APBA1: variants seen among roughly 807,000 people sequenced by gnomAD.
The protein encoded by APBA1 is amyloid-beta A4 precursor protein-binding family A member 1.
Under a neutral mutation model 86.6 loss-of-function variants are expected in APBA1, and 55 were observed. The observed-to-expected ratio is 0.64, with a 90% CI of 0.51 to 0.80. APBA1 has a LOEUF of 0.80. APBA1 is among the 30% of genes least tolerant of loss of function. The probability of loss-of-function intolerance (pLI) is 0.00; values close to 1 mark genes in which losing one functional copy is unlikely to be tolerated. For synonymous variants in APBA1, 511 were observed against 493.9 expected, an observed-to-expected ratio of 1.03 and a Z score of -0.46; for missense variants, 1,090 against 1,183.0, an observed-to-expected ratio of 0.92 and a Z score of 1.15.
chr9:69,590,392 C>T (rs1403159049), intron 1 of APBA1, among the ~76,000 whole-genome samples: 4 of 152,128 alleles, frequency 2.6e-5, no homozygotes, highest in Non-Finnish European at 5.9e-5. Context: ...GGCTTTGGGC[C>T]GGCTCCTTAT....
chr9:69,471,829 G>C, intron 3 of APBA1, 134 bp from the exon 4 acceptor site: 1 of 704,200 alleles, frequency 1.4e-6, no homozygotes. Flanking sequence ...TTTAGTTAGA[G>C]AAAGTAAAGT....
At chr9:69,617,720 A>G (rs545573306) in intron 1 of APBA1, among the ~76,000 whole-genome samples, 2 of 152,098 alleles carry the variant, frequency 1.3e-5, no homozygotes, top group Non-Finnish European at 1.5e-5. Flanking sequence ...TCAACACCAA[A>G]TTTTTGAGAT....
chr9:69,446,217 G>A (rs1834904922), intron 10 of APBA1, among the ~76,000 whole-genome samples: 2 of 152,150 alleles, frequency 1.3e-5, no homozygotes, highest in Admixed American at 1.3e-4. Context: ...TCTGTATTTG[G>A]TACTGGTGAT....
chr9:69,604,854 G>A (rs924268364), intron 1 of APBA1, among the ~76,000 whole-genome samples: 3 of 149,514 alleles, frequency 2.0e-5, no homozygotes, highest in Non-Finnish European at 4.4e-5. Context: ...AAGAGGAGAG[G>A]CATATGAGCA....
chr9:69,504,250 G>GT (rs1835919643), intron 2 of APBA1, among the ~76,000 whole-genome samples: 1 of 151,968 alleles, frequency 6.6e-6, no homozygotes, highest in Admixed American at 6.6e-5. Context: ...TAATCTGGAA[G>GT]TTCATGTGTT....
chr9:69,521,480 G>A (rs187772642), intron 1 of APBA1, among the ~76,000 whole-genome samples: 3 of 152,340 alleles, frequency 2.0e-5, no homozygotes, highest in Admixed American at 6.5e-5. Flanking sequence ...GGGCAGAACA[G>A]TGAGCAAGCC....
chr9:69,656,544 G>A (rs1159003778), intron 1 of APBA1, among the ~76,000 whole-genome samples: 1 of 152,222 alleles, frequency 6.6e-6, no homozygotes, highest in Admixed American at 6.5e-5. Flanking sequence ...GGTCAGAGTA[G>A]TGGTTACCTT....
At chr9:69,489,660 C>T (rs1274484579) in intron 2 of APBA1, among the ~76,000 whole-genome samples, 6 of 151,950 alleles carry the variant, frequency 3.9e-5, no homozygotes, top group Non-Finnish European at 4.4e-5. Context: ...AAAAAGTGGG[C>T]GAAGGACATG....
At chr9:69,671,027 C>A (rs1823938734) in intron 1 of APBA1, among the ~76,000 whole-genome samples, 1 of 151,980 alleles carries the variant, frequency 6.6e-6, no homozygotes, top group Non-Finnish European at 1.5e-5. Flanking sequence ...AAAAGACCGC[C>A]CCCCGCCCCA....
chr9:69,432,418 C>G (rs2133779422), intron 12 of APBA1, 118 bp downstream of exon 12: 1 of 1,058,198 alleles, frequency 9.5e-7, no homozygotes, highest in South Asian at 2.8e-5. Flanking sequence ...GGGGAGTGTT[C>G]AGGATTGGAA....
chr9:69,539,055 T>C (rs995628863), intron 1 of APBA1, among the ~76,000 whole-genome samples: 1 of 152,344 alleles, frequency 6.6e-6, no homozygotes, highest in Admixed American at 6.5e-5. Flanking sequence ...TGCTTCCCCA[T>C]CTCATTGGCT....
chr9:69,506,112 G>T (rs184871581), intron 2 of APBA1, among the ~76,000 whole-genome samples: 2 of 151,828 alleles, frequency 1.3e-5, no homozygotes, highest in Non-Finnish European at 2.9e-5. Flanking sequence ...CAGCGAGAGC[G>T]ACACAGAAGA....
chr9:69,652,852 G>T (rs1823533600), intron 1 of APBA1, among the ~76,000 whole-genome samples: 2 of 151,976 alleles, frequency 1.3e-5, no homozygotes, highest in Admixed American at 6.6e-5. Flanking sequence ...AAAATTAGCT[G>T]GGTGTGGTGG....
In APBA1 at chr9:69,672,285, T is replaced by TGCCGCCGCC. The variant is rs974883155; in HGVS notation, c.-211_-203dup. 6.0e-4 allele frequency: 106 copies of TGCCGCCGCC among 175,510 alleles called. No individual in the cohort carries two copies. Among genetic ancestry groups the TGCCGCCGCC allele is most frequent in the African/African-American group, 1.7e-3 (71 of 41,714 alleles). The allele number at this position is 175,510 out of a possible 1,614,324, so 10.9% of individuals were successfully genotyped here. ...CGCCACCATCTTCTCCCGCCGCAGC[T>TGCCGCCGCC]GCCGCCGCCGCCGCCGCCGCCGGGA... On this transcript the variant is annotated 5_prime_UTR_variant, in exon 1 of 13. Coordinates refer to ENST00000265381, the MANE Select transcript of APBA1 (RefSeq NM_001163.4).
chr9:69,602,124 TCTC>T (rs1244745421), intron 1 of APBA1, among the ~76,000 whole-genome samples: 1 of 152,232 alleles, frequency 6.6e-6, no homozygotes, highest in Non-Finnish European at 1.5e-5. Context: ...TTTCATGTAT[TCTC>T]TTTTTGCAAT....
chr9:69,506,116 C>A (rs938110570), intron 2 of APBA1, among the ~76,000 whole-genome samples: 6 of 151,882 alleles, frequency 4.0e-5, no homozygotes, highest in Non-Finnish European at 7.4e-5. Context: ...GAGAGCGACA[C>A]AGAAGAAGAC....
At chr9:69,550,981 T>G (rs1836775747) in intron 1 of APBA1, among the ~76,000 whole-genome samples, 1 of 152,010 alleles carries the variant, frequency 6.6e-6, no homozygotes, top group African/African-American at 2.4e-5. Flanking sequence ...ATACATAAAA[T>G]ACATACATTA....
intron 11 of APBA1, among the ~76,000 whole-genome samples, chr9:69,434,902 G>C (rs554002663): frequency 6.7e-6 from 1 of 150,270 alleles, no homozygotes; most frequent in Non-Finnish European, 1.5e-5. Flanking sequence ...CCATTAACTC[G>C]TCATTTAGCA....
chr9:69,628,668 G>A (rs1054222257), intron 1 of APBA1, among the ~76,000 whole-genome samples: 1 of 152,126 alleles, frequency 6.6e-6, no homozygotes, highest in South Asian at 2.1e-4. Flanking sequence ...AACTTCTTAA[G>A]CAGATAATGA....
Sources: gnomAD v4.1 joint callset for allele counts (sites outside exome capture counted in the v4.1 genomes callset) on GRCh38, gnomAD v4.1.1 for gene constraint, MANE v1.5 for transcripts, NCBI Gene and HGNC (gene_info 2026-07-23, HGNC 2026-07-21) for gene names.